The following NKAIN3 variants were observed in gnomAD, a reference collection of about 807,000 sequenced individuals.
The protein encoded by NKAIN3 is sodium/potassium transporting ATPase interacting 3.
NKAIN3 carries 25 observed loss-of-function variants against 30.2 expected under a neutral mutation model. That is an observed-to-expected ratio of 0.83 (90% confidence interval 0.60 to 1.16). NKAIN3 has a LOEUF of 1.16. NKAIN3 is among the 50% of genes most tolerant of loss of function. The pLI is 0.00. For missense variants in NKAIN3, 225 were observed against 254.1 expected (o/e 0.89, Z 0.78); for synonymous variants, 91 against 89.6 (o/e 1.02, Z -0.09).
chr8:62,920,395 A>C (rs1185004543), intron 5 of NKAIN3, among the ~76,000 whole-genome samples: 2 of 152,226 alleles, frequency 1.3e-5, no homozygotes, highest in Non-Finnish European at 2.9e-5. Context: ...CAATAGTCTT[A>C]TTATGTAGTG....
intron 4 of NKAIN3, among the ~76,000 whole-genome samples, chr8:62,864,757 A>G (rs1165667159): frequency 6.6e-6 from 1 of 152,120 alleles, no homozygotes; most frequent in African/African-American, 2.4e-5. Context: ...TGACTTGTTG[A>G]TGAATCCCCT....
intron 4 of NKAIN3, among the ~76,000 whole-genome samples, chr8:62,902,159 A>C (rs1411785930): frequency 6.6e-6 from 1 of 152,176 alleles, no homozygotes; most frequent in Non-Finnish European, 1.5e-5. Context: ...CTGCTGGGTT[A>C]TGTGGTTCTG....
At chr8:62,567,031 A>G (rs767283048) in intron 1 of NKAIN3, among the ~76,000 whole-genome samples, 35 of 152,212 alleles carry the variant, frequency 2.3e-4, no homozygotes, top group African/African-American at 5.5e-4. Flanking sequence ...ATAGCTTTAT[A>G]AGTACTTCTG....
intron 1 of NKAIN3, among the ~76,000 whole-genome samples, chr8:62,396,913 C>T (rs554249454): frequency 6.6e-6 from 1 of 152,266 alleles, no homozygotes; most frequent in Non-Finnish European, 1.5e-5. Context: ...CTCAGTTTAT[C>T]ATCAGAGGGA....
At chr8:62,386,408 A>G (rs148208081) in intron 1 of NKAIN3, among the ~76,000 whole-genome samples, 194 of 152,342 alleles carry the variant, frequency 1.3e-3, no homozygotes, top group African/African-American at 4.2e-3. Context: ...TCTGGAAAGA[A>G]CAGTGTTAGG....
chr8:62,302,834 T>G (rs192342223), intron 1 of NKAIN3, among the ~76,000 whole-genome samples: 1 of 142,074 alleles, frequency 7.0e-6, no homozygotes, highest in Non-Finnish European at 1.5e-5. Flanking sequence ...TAGGGCATCT[T>G]TGTTAAAAGA....
At chr8:62,429,701 C>A (rs1362548061) in intron 1 of NKAIN3, among the ~76,000 whole-genome samples, 3 of 151,806 alleles carry the variant, frequency 2.0e-5, no homozygotes, top group Non-Finnish European at 4.4e-5. Context: ...TAATAGTGCA[C>A]CACCGTGGAG....
chr8:62,605,549 C>T (rs1390586804), intron 3 of NKAIN3, among the ~76,000 whole-genome samples: 5 of 152,090 alleles, frequency 3.3e-5, no homozygotes, highest in Middle Eastern at 3.4e-3. Flanking sequence ...TCTGAATCTA[C>T]AGGTTCCACA....
At chr8:62,544,346 T>C (rs1808942324) in intron 1 of NKAIN3, among the ~76,000 whole-genome samples, 1 of 152,122 alleles carries the variant, frequency 6.6e-6, no homozygotes, top group Non-Finnish European at 1.5e-5. Context: ...TCTATGAGAA[T>C]AGAAACAAAA....
intron 1 of NKAIN3, among the ~76,000 whole-genome samples, chr8:62,282,087 T>C (rs965891010): frequency 2.6e-5 from 4 of 152,108 alleles, no homozygotes; most frequent in Admixed American, 2.6e-4. Context: ...ACAAATCCTT[T>C]TTGTTCCGGG....
At chr8:62,800,138 A>C (rs937713388) in intron 4 of NKAIN3, among the ~76,000 whole-genome samples, 2 of 152,206 alleles carry the variant, frequency 1.3e-5, no homozygotes, top group Non-Finnish European at 2.9e-5. Context: ...AATCTCATAA[A>C]TCACCACTAA....
intron 3 of NKAIN3, among the ~76,000 whole-genome samples, chr8:62,711,377 C>G (rs1235425141): frequency 6.6e-6 from 1 of 152,042 alleles, no homozygotes; most frequent in Non-Finnish European, 1.5e-5. Context: ...ACCGATTATT[C>G]TTAGGTTTGG....
At chr8:62,952,963 T>C (rs1823326677) in intron 5 of NKAIN3, among the ~76,000 whole-genome samples, 1 of 152,188 alleles carries the variant, frequency 6.6e-6, no homozygotes, top group Admixed American at 6.5e-5. Flanking sequence ...GTAGTGTCTA[T>C]ATTTGGTGAA....
chr8:62,375,499 T>C (rs1817047100), intron 1 of NKAIN3, among the ~76,000 whole-genome samples: 1 of 152,198 alleles, frequency 6.6e-6, no homozygotes, highest in Non-Finnish European at 1.5e-5. Flanking sequence ...TTAGGCTACT[T>C]AGTATCCATG....
intron 4 of NKAIN3, among the ~76,000 whole-genome samples, chr8:62,849,480 G>C (rs1200775811): frequency 6.6e-6 from 1 of 150,732 alleles, no homozygotes; most frequent in East Asian, 1.9e-4. Flanking sequence ...TCAAGTTTTA[G>C]GGTACATGTG....
intron 4 of NKAIN3, among the ~76,000 whole-genome samples, chr8:62,877,506 C>T (rs1337137486): frequency 6.6e-6 from 1 of 152,154 alleles, no homozygotes; most frequent in Non-Finnish European, 1.5e-5. Flanking sequence ...CCCCCATGAG[C>T]CTGCCAGATA....
At chr8:62,534,881 G>C (rs1363778084) in intron 1 of NKAIN3, among the ~76,000 whole-genome samples, 2 of 130,416 alleles carry the variant, frequency 1.5e-5, no homozygotes, top group South Asian at 4.8e-4. Context: ...TTTTCGTATA[G>C]TTTCTGATTT....
downstream of NKAIN3, among the ~76,000 whole-genome samples, chr8:62,986,487 A>T (rs373320105): frequency 3.3e-5 from 5 of 152,136 alleles, no homozygotes; most frequent in East Asian, 3.9e-4. Context: ...CAGGTCTCTT[A>T]TTCAGCCTCT....
intron 4 of NKAIN3, among the ~76,000 whole-genome samples, chr8:62,799,551 G>T (rs1024471802): frequency 6.6e-6 from 1 of 152,288 alleles, no homozygotes; most frequent in East Asian, 1.9e-4. Context: ...AATAGTAAAT[G>T]TTGATGTGGA....
Sources: allele counts gnomAD v4.1 joint callset (sites outside exome capture counted in the v4.1 genomes callset), GRCh38; gene constraint gnomAD v4.1.1; transcripts MANE v1.5; gene names NCBI Gene and HGNC (gene_info 2026-07-23, HGNC 2026-07-21).